IDE: variants seen among roughly 807,000 people sequenced by gnomAD.
IDE encodes insulin-degrading enzyme.
IDE carries 58 observed loss-of-function variants against 133.2 expected under a neutral mutation model. The observed-to-expected ratio is 0.44, with a 90% CI of 0.35 to 0.54. The LOEUF (loss-of-function observed/expected upper bound fraction) is 0.54. IDE is among the 20% of genes least tolerant of loss of function. IDE has a pLI of 0.00. For synonymous variants in IDE, 396 were observed against 421.3 expected (o/e 0.94, Z 0.73); for missense variants, 981 against 1,234.0 (o/e 0.79, Z 3.07).
rs76863074 is a variant in IDE, at chr10:92,514,623, A to G, written c.784+297T>C. Among the ~76,000 whole-genome samples the G allele has an allele frequency of 4.6e-3, 701 of 152,162 alleles. 6 individuals are homozygous for G. The highest frequency in any genetic ancestry group is 0.01 in the Middle Eastern group (3 of 294). On this transcript the variant is annotated intron_variant, in intron 5 of 24. Coordinates refer to ENST00000265986, the MANE Select transcript of IDE (RefSeq NM_004969.4). ...CTAATTTAAAAAAATTTTTTTTGGT[A>G]GAGACAGGATCTTACTATGTTGCCC...
chr10:92,456,349 T>C lies in IDE; in HGVS notation c.2896+10A>G, dbSNP rs1474766240. The C allele has an allele frequency of 3.1e-6, 5 of 1,605,358 alleles. No individual in the cohort carries two copies. Among genetic ancestry groups the C allele is most frequent in the Non-Finnish European group, 4.3e-6 (5 of 1,172,016 alleles). Reference sequence around the variant, plus strand: ...AACATGAGCCTAAAAAGGCAACATTTGATACTTACAAGAATCCATTTCCCT... The same window carrying C: ...AACATGAGCCTAAAAAGGCAACATTCGATACTTACAAGAATCCATTTCCCT... On this transcript the variant is annotated intron_variant, in intron 23 of 24. Transcript: ENST00000265986.
chr10:92,478,087 G>A (rs1258227273), intron 15 of IDE, among the ~76,000 whole-genome samples: 2 of 152,096 alleles, frequency 1.3e-5, no homozygotes, highest in Non-Finnish European at 2.9e-5. Flanking sequence ...ATGTTAACTC[G>A]GAATTGAGAT....
chr10:92,532,602 A>G (rs1850000911), intron 3 of IDE, among the ~76,000 whole-genome samples: 1 of 152,220 alleles, frequency 6.6e-6, no homozygotes, highest in Non-Finnish European at 1.5e-5. Flanking sequence ...TAACTTTAAC[A>G]TAAGTAACCA....
intron 4 of IDE, among the ~76,000 whole-genome samples, chr10:92,516,211 T>C (rs1262919351): frequency 2.6e-5 from 4 of 151,468 alleles, no homozygotes; most frequent in African/African-American, 9.7e-5. Context: ...TTATACTTCT[T>C]GGCTGGGCTC....
intron 19 of IDE, among the ~76,000 whole-genome samples, chr10:92,467,932 A>C (rs1845779292): frequency 6.6e-6 from 1 of 152,242 alleles, no homozygotes; most frequent in South Asian, 2.1e-4. Flanking sequence ...AACTAGACAC[A>C]GACTTTGGCT....
intron 11 of IDE, among the ~76,000 whole-genome samples, chr10:92,497,332 T>C (rs1847764420): frequency 6.6e-6 from 1 of 152,208 alleles, no homozygotes; most frequent in Non-Finnish European, 1.5e-5. Context: ...CAATTAGGAC[T>C]GGCAAAAATG....
chr10:92,540,525 T>C (rs1195312513), intron 1 of IDE, among the ~76,000 whole-genome samples: 1 of 152,168 alleles, frequency 6.6e-6, no homozygotes, highest in African/African-American at 2.4e-5. Flanking sequence ...ATGCCTGAAC[T>C]TACCCCAGGC....
intron 4 of IDE, among the ~76,000 whole-genome samples, chr10:92,530,625 A>G (rs2135666316): frequency 6.6e-6 from 1 of 152,308 alleles, no homozygotes; most frequent in Admixed American, 6.5e-5. Context: ...CATTCTTGAC[A>G]TACCATGTAT....
At chr10:92,554,092 A>C (rs542621555) in intron 1 of IDE, among the ~76,000 whole-genome samples, 1 of 152,328 alleles carries the variant, frequency 6.6e-6, no homozygotes, top group Admixed American at 6.5e-5. Flanking sequence ...AATACTAGCA[A>C]ACCAAATTCA....
At chr10:92,484,256 C>T (rs1249663944) in intron 13 of IDE, among the ~76,000 whole-genome samples, 4 of 151,914 alleles carry the variant, frequency 2.6e-5, no homozygotes, top group Admixed American at 2.0e-4. Flanking sequence ...ACTAATCATA[C>T]AAAAATGAGC....
chr10:92,564,863 C>G (rs1303372700), intron 1 of IDE, among the ~76,000 whole-genome samples: 1 of 151,714 alleles, frequency 6.6e-6, no homozygotes, highest in Non-Finnish European at 1.5e-5. Context: ...TCAAGACCAA[C>G]CTCTGCAACA....
chr10:92,511,890 C>A (rs561648891), intron 5 of IDE, among the ~76,000 whole-genome samples: 12 of 152,288 alleles, frequency 7.9e-5, no homozygotes, highest in Non-Finnish European at 1.5e-4. Flanking sequence ...TGTGGGCCTG[C>A]AGTACTGGTG....
At chr10:92,516,355 A>G (rs565079110) in intron 4 of IDE, among the ~76,000 whole-genome samples, 43 of 149,726 alleles carry the variant, frequency 2.9e-4, no homozygotes, top group African/African-American at 9.8e-4. Context: ...TTAGCCAGGC[A>G]TGGTGGTGGG....
chr10:92,567,454 T>G (rs1843609098), intron 1 of IDE, among the ~76,000 whole-genome samples: 1 of 152,196 alleles, frequency 6.6e-6, no homozygotes, highest in South Asian at 2.1e-4. Flanking sequence ...TCCTTGTCAT[T>G]TGTACTACCT....
intron 19 of IDE, among the ~76,000 whole-genome samples, chr10:92,467,552 A>T (rs1229218174): frequency 6.6e-6 from 1 of 152,216 alleles, no homozygotes; most frequent in Non-Finnish European, 1.5e-5. Flanking sequence ...GGTACTTAGG[A>T]GGCAAAAGAG....
chr10:92,514,542 A>T lies in IDE; in HGVS notation c.784+378T>A, dbSNP rs758738407. 1.1e-4 allele frequency among the ~76,000 whole-genome samples: 16 copies of T among 152,152 alleles called. No individual in the cohort carries two copies. In the South Asian group the frequency reaches 1.2e-3, roughly 12 times the overall value. ...CTGCAGCCTTTAACTCCTGGGCTCA[A>T]GCGATCTTCAGCCTCCCTAGCAGCT... On this transcript the variant is annotated intron_variant, in intron 5 of 24. Coordinates refer to ENST00000265986, the MANE Select transcript of IDE (RefSeq NM_004969.4).
chr10:92,555,274 G>T (rs749431088), intron 1 of IDE, among the ~76,000 whole-genome samples: 72 of 152,106 alleles, frequency 4.7e-4, no homozygotes, highest in Non-Finnish European at 9.0e-4. Flanking sequence ...GAGATGGGGG[G>T]ATCACCAGAG....
At chr10:92,555,334 C>T (rs1481860568) in intron 1 of IDE, among the ~76,000 whole-genome samples, 1 of 152,000 alleles carries the variant, frequency 6.6e-6, no homozygotes, top group Non-Finnish European at 1.5e-5. Flanking sequence ...CCCATCTCTA[C>T]TAAAAATACA....
intron 11 of IDE, 32 bp from the exon 12 acceptor site, chr10:92,490,627 T>C: frequency 8.0e-7 from 1 of 1,248,864 alleles, no homozygotes; most frequent in Non-Finnish European, 1.2e-6. Flanking sequence ...AAAAAAACCC[T>C]GTAAACTCAT....
Sources: allele counts gnomAD v4.1 joint callset (sites outside exome capture counted in the v4.1 genomes callset), GRCh38; gene constraint gnomAD v4.1.1; transcripts MANE v1.5; gene names NCBI Gene and HGNC (gene_info 2026-07-23, HGNC 2026-07-21).